Variants in MORC1 observed in about 807,000 individuals in gnomAD.
The protein encoded by MORC1 is MORC family CW-type zinc finger protein 1.
MORC1 carries 59 observed loss-of-function variants against 134.9 expected under a neutral mutation model. The ratio of observed to expected loss-of-function variants is 0.44; its 90% CI spans 0.35 to 0.54. The LOEUF (loss-of-function observed/expected upper bound fraction) is 0.54. Among genes scored for constraint, MORC1 ranks in the 20% least tolerant of loss-of-function variants. The probability of loss-of-function intolerance (pLI) is 0.00; values close to 1 mark genes in which losing one functional copy is unlikely to be tolerated. For synonymous variants in MORC1, 395 were observed against 391.7 expected, an observed-to-expected ratio of 1.01 and a Z score of -0.10; for missense variants, 947 against 1,134.5, an observed-to-expected ratio of 0.83 and a Z score of 2.37.
intron 14 of MORC1, among the ~76,000 whole-genome samples, chr3:109,051,922 G>A (rs767443234): frequency 1.3e-5 from 2 of 151,996 alleles, no homozygotes; most frequent in African/African-American, 2.4e-5. Flanking sequence ...AAAGAGGACT[G>A]AGTATGACTC....
intron 14 of MORC1, among the ~76,000 whole-genome samples, chr3:109,039,371 G>A (rs1949457519): frequency 6.6e-6 from 1 of 152,232 alleles, no homozygotes; most frequent in Non-Finnish European, 1.5e-5. Context: ...TATCAAGTGA[G>A]TGACTGCAGT....
chr3:108,980,935 A>G (rs937123696), intron 23 of MORC1, among the ~76,000 whole-genome samples: 6 of 152,108 alleles, frequency 3.9e-5, no homozygotes, highest in African/African-American at 1.4e-4. Flanking sequence ...AGGGAACTAG[A>G]GTTTCTTTGA....
At position 108,963,612 on chromosome 3, in the gene MORC1, G is replaced by A. The variant is rs977917906; in HGVS notation, c.2605-4C>T. The A allele has an allele frequency of 1.3e-6, 2 of 1,515,870 alleles. No individual in the cohort carries two copies. The highest frequency in any genetic ancestry group is 2.3e-5 in the East Asian group (1 of 43,388). 93.9% of individuals were successfully genotyped at this position (1,515,870 alleles called of 1,614,324 possible). On this transcript the variant is annotated splice_region_variant and splice_polypyrimidine_tract_variant and intron_variant, in intron 26 of 27. Coordinates refer to ENST00000232603, the MANE Select transcript of MORC1 (RefSeq NM_014429.4). ...GGACCATGTAAGTATTCTGTATCTG[G>A]GAATGTTTTAAAAACAGTTTTAGCA...
chr3:109,005,393 C>T (rs1249167627), intron 18 of MORC1, 78 bp from the exon 19 acceptor site: 2 of 1,303,238 alleles, frequency 1.5e-6, no homozygotes, highest in African/African-American at 3.0e-5. Flanking sequence ...CTCATAACCT[C>T]ATTATAATAG....
At chr3:109,050,211 A>G in intron 14 of MORC1, among the ~76,000 whole-genome samples, 1 of 152,076 alleles carries the variant, frequency 6.6e-6, no homozygotes, top group East Asian at 1.9e-4. Context: ...CACTAATCCT[A>G]TTTCTAATTG....
chr3:108,967,880 G>T (rs1484635619), intron 26 of MORC1, among the ~76,000 whole-genome samples: 1 of 152,250 alleles, frequency 6.6e-6, no homozygotes, highest in African/African-American at 2.4e-5. Context: ...TTGAAAAAAA[G>T]TAGAATGAAA....
chr3:109,035,343 A>G lies in MORC1; in HGVS notation c.1456T>C (p.Cys486Arg). Residue 486 changes from cysteine (C) to arginine (R), a missense_variant, in exon 15 of 28, where the codon TGT (cysteine) becomes CGT (arginine). Transcript: ENST00000232603. ...TATAATGGACTTCAACACTCACCAC[A>G]TTGTATGATGAATGGGATACCCATG... Reference protein sequence around the residue: ...QAMGIPFIIQCDLCLKWRVLP... With the variant: ...QAMGIPFIIQRDLCLKWRVLP... 1 of 1,586,704 alleles carries G rather than the reference A, an allele frequency of 6.3e-7. No homozygotes were observed. The highest frequency in any genetic ancestry group is 1.2e-5 in the South Asian group (1 of 84,620).
At chr3:108,970,960 T>C (rs1398977362) in intron 25 of MORC1, among the ~76,000 whole-genome samples, 2 of 152,206 alleles carry the variant, frequency 1.3e-5, no homozygotes, top group African/African-American at 4.8e-5. Flanking sequence ...GTAAGATTAG[T>C]GCTTTGGATA....
chr3:108,992,064 G>A (rs781364436), intron 21 of MORC1, among the ~76,000 whole-genome samples: 15 of 151,980 alleles, frequency 9.9e-5, no homozygotes, highest in African/African-American at 2.2e-4. Context: ...ATGATTAAGT[G>A]TTCCTTCTTA....
At chr3:109,097,081 T>C (rs184393123) in intron 6 of MORC1, among the ~76,000 whole-genome samples, 1 of 152,182 alleles carries the variant, frequency 6.6e-6, no homozygotes, top group East Asian at 1.9e-4. Flanking sequence ...ACCCAGCAAG[T>C]GACCAGCACA....
chr3:109,113,994 T>C (rs1258682412), intron 2 of MORC1, among the ~76,000 whole-genome samples: 4 of 152,230 alleles, frequency 2.6e-5, no homozygotes, highest in East Asian at 1.9e-4. Context: ...GTCTGATATA[T>C]AGTAAGAGAT....
intron 8 of MORC1, among the ~76,000 whole-genome samples, chr3:109,070,872 C>T (rs184833854): frequency 6.6e-6 from 1 of 151,942 alleles, no homozygotes; most frequent in African/African-American, 2.4e-5. Flanking sequence ...GTCAGGAATT[C>T]ATCTTAATTG....
rs1485298034 is a variant in MORC1 at position 109,112,262 on chromosome 3, C to A, written c.120-1479G>T. ...AAGAGCTATTGTATTAGGAAGAGGA[C>A]CCTAACAAATCCTTCCTATATCACC... On this transcript the variant is annotated intron_variant, in intron 2 of 27. Coordinates refer to ENST00000232603, the MANE Select transcript of MORC1 (RefSeq NM_014429.4). 3.9e-5 allele frequency among the ~76,000 whole-genome samples: 6 copies of A among 152,286 alleles called. No homozygotes were observed. The East Asian group carries it at 9.7e-4, about 24-fold the overall frequency.
At position 109,056,891 on chromosome 3, in the gene MORC1, G is replaced by T. The variant is rs140080563; in HGVS notation, c.1175+452C>A. On this transcript the variant is annotated intron_variant, in intron 13 of 27. Coordinates refer to ENST00000232603, the MANE Select transcript of MORC1 (RefSeq NM_014429.4). ...TTGGGAAAGCACAAGAATGTATTAC[G>T]CTAAAATCCAAATAGGCTAGAGAGT... is the stretch of plus-strand genomic sequence containing the variant. Among the ~76,000 whole-genome samples, 780 of 152,220 alleles carry T rather than the reference G, an allele frequency of 5.1e-3. 18 individuals are homozygous for T. Among genetic ancestry groups the T allele is most frequent in the African/African-American group, 0.018 (749 of 41,532 alleles).
At chr3:109,050,724 A>G (rs1275471797) in intron 14 of MORC1, among the ~76,000 whole-genome samples, 1 of 152,180 alleles carries the variant, frequency 6.6e-6, no homozygotes, top group African/African-American at 2.4e-5. Context: ...TGGATTTAAT[A>G]TGAAGATTTA....
intron 17 of MORC1, among the ~76,000 whole-genome samples, chr3:109,022,108 A>G (rs754452049): frequency 6.6e-6 from 1 of 152,202 alleles, no homozygotes; most frequent in Non-Finnish European, 1.5e-5. Context: ...TTTCATCTAC[A>G]ATAACTAGAA....
intron 21 of MORC1, among the ~76,000 whole-genome samples, chr3:108,996,147 C>G (rs1338080581): frequency 6.6e-6 from 1 of 152,040 alleles, no homozygotes; most frequent in African/African-American, 2.4e-5. Flanking sequence ...AGAATACTTG[C>G]CTCTCAGGTT....
chr3:108,963,826 G>T (rs1947147077), intron 26 of MORC1, among the ~76,000 whole-genome samples: 1 of 152,196 alleles, frequency 6.6e-6, no homozygotes, highest in African/African-American at 2.4e-5. Context: ...TTCAATAATT[G>T]TAATTATAAG....
intron 6 of MORC1, among the ~76,000 whole-genome samples, chr3:109,097,420 T>C (rs934728870): frequency 6.6e-6 from 1 of 152,230 alleles, no homozygotes; most frequent in Non-Finnish European, 1.5e-5. Context: ...CCTATGTTCC[T>C]TTGCTCAAGA....
Sources: gnomAD v4.1 joint callset for allele counts (sites outside exome capture counted in the v4.1 genomes callset) on GRCh38, gnomAD v4.1.1 for gene constraint, MANE v1.5 for transcripts, NCBI Gene and HGNC (gene_info 2026-07-23, HGNC 2026-07-21) for gene names.